PICALM: variants seen among roughly 807,000 people sequenced by gnomAD.
PICALM encodes phosphatidylinositol binding clathrin assembly protein.
PICALM carries 40 observed loss-of-function variants against 80.5 expected under a neutral mutation model. That is an observed-to-expected ratio of 0.50 (90% CI 0.39 to 0.65). PICALM has a LOEUF of 0.65. Ranked by LOEUF, PICALM falls within the 30% of genes least tolerant of loss-of-function variation. PICALM has a pLI of 0.00. For synonymous variants in PICALM, 288 were observed against 260.3 expected (o/e 1.11, Z -1.02); for missense variants, 676 against 778.9 (o/e 0.87, Z 1.57).
chr11:86,056,821 G>C (rs890754176), intron 1 of PICALM, among the ~76,000 whole-genome samples: 1 of 152,154 alleles, frequency 6.6e-6, no homozygotes, highest in African/African-American at 2.4e-5. Flanking sequence ...AACTATACAA[G>C]GGAGTATTAC....
intron 12 of PICALM, among the ~76,000 whole-genome samples, chr11:85,994,546 A>C (rs1409294675): frequency 6.6e-6 from 1 of 152,246 alleles, no homozygotes; most frequent in Non-Finnish European, 1.5e-5. Flanking sequence ...AAAGCCAATA[A>C]AAGAACAGTA....
At chr11:85,971,958 T>C (rs919667046) in intron 19 of PICALM, among the ~76,000 whole-genome samples, 1 of 151,960 alleles carries the variant, frequency 6.6e-6, no homozygotes, top group Non-Finnish European at 1.5e-5. Context: ...ATTTTTTGTA[T>C]TTTTAGTAGA....
chr11:86,049,154 A>G (rs988787153), intron 1 of PICALM, among the ~76,000 whole-genome samples: 2 of 152,024 alleles, frequency 1.3e-5, no homozygotes. Context: ...TTAGTCAGGC[A>G]CGGTGGGTGC....
chr11:86,055,874 G>A (rs1308576732), intron 1 of PICALM, among the ~76,000 whole-genome samples: 5 of 151,976 alleles, frequency 3.3e-5, no homozygotes, highest in African/African-American at 2.4e-5. Flanking sequence ...GATGGCTCAC[G>A]TCTATAATCC....
intron 16 of PICALM, among the ~76,000 whole-genome samples, 190 bp downstream of exon 16, chr11:85,981,555 C>A (rs938704854): frequency 1.9e-4 from 29 of 150,602 alleles, no homozygotes; most frequent in Admixed American, 1.8e-3. Context: ...TGCAGTGGGC[C>A]GAGATTGCGC....
At position 85,996,834 on chromosome 11, in the gene PICALM, G is replaced by A; in HGVS notation, c.1250C>T (p.Thr417Ile). The change falls in exon 12 of 20, where the codon ACA becomes ATA. Residue 417 changes from threonine (T) to isoleucine (I), a missense_variant. Transcript: ENST00000393346. ...AATTCATCAATGCTTACCTCCCCAT[G>A]TACTTGCTACCTGAGAAGCAGTTGA... ...PMSTASQVASTWGDPFSATVD... is the reference protein window; with the variant it reads ...PMSTASQVASIWGDPFSATVD... 1 of 1,585,444 alleles carries A rather than the reference G, an allele frequency of 6.3e-7. No individual in the cohort carries two copies. Among genetic ancestry groups the A allele is most frequent in the Non-Finnish European group, 8.7e-7 (1 of 1,154,560 alleles).
intron 19 of PICALM, among the ~76,000 whole-genome samples, chr11:85,959,656 A>AAAAAC (rs1402591265): frequency 2.7e-5 from 4 of 149,790 alleles, no homozygotes; most frequent in Non-Finnish European, 5.9e-5. Flanking sequence ...AAAAAAAAAA[A>AAAAAC]GCTCATTGGA....
intron 14 of PICALM, among the ~76,000 whole-genome samples, chr11:85,982,623 T>A (rs1327699806): frequency 6.8e-6 from 1 of 146,782 alleles, no homozygotes; most frequent in Non-Finnish European, 1.5e-5. Flanking sequence ...GAGACGGGGT[T>A]TCACCTTGTT....
intron 1 of PICALM, among the ~76,000 whole-genome samples, chr11:86,045,520 A>AAAC (rs1491521581): frequency 6.3e-5 from 4 of 63,564 alleles, no homozygotes; most frequent in African/African-American, 1.1e-4. Context: ...CTTGAAATTC[A>AAAC]AAAAAAAAAA....
In PICALM at chr11:86,014,911, G is replaced by A. The variant is rs956054833; in HGVS notation, c.505C>T (p.Pro169Ser). The A allele has an allele frequency of 6.3e-7, 1 of 1,591,080 alleles. No individual in the cohort carries two copies. The highest frequency in any genetic ancestry group is 8.6e-7 in the Non-Finnish European group (1 of 1,164,860). Residue 169 changes from proline to serine, a missense_variant, in exon 5 of 20, where the codon CCA (proline) becomes TCA (serine). By Grantham distance (74) the Pro-to-Ser change is moderately conservative. This residue lies in a region of PICALM where 285 missense variants were observed against 395.4 expected (regional missense o/e 0.72). Transcript: ENST00000393346. ...GCATCCATCTGATTCTGAATAATTG[G>A]TACAGTTTTTAGGAGTTTTTCTGTG... ...MNTEKLLKTV[P>S]IIQNQMDALL...
At chr11:85,987,482 A>T (rs543306030) in intron 13 of PICALM, among the ~76,000 whole-genome samples, 1 of 152,246 alleles carries the variant, frequency 6.6e-6, no homozygotes, top group Non-Finnish European at 1.5e-5. Context: ...CATTGCTAAT[A>T]TTAGACCAAA....
chr11:86,019,169 C>A (rs888244270), intron 4 of PICALM, among the ~76,000 whole-genome samples: 1 of 152,142 alleles, frequency 6.6e-6, no homozygotes, highest in African/African-American at 2.4e-5. Flanking sequence ...TTACTACTTA[C>A]AATGAGAGTC....
At chr11:86,049,943 T>C (rs945846369) in intron 1 of PICALM, among the ~76,000 whole-genome samples, 2 of 151,966 alleles carry the variant, frequency 1.3e-5, no homozygotes, top group African/African-American at 4.8e-5. Flanking sequence ...CTCACGCCTG[T>C]GATCCCAGCA....
chr11:86,009,292 CAAAAAAAAAAAAAAAA>C lies in PICALM; in HGVS notation c.765+1722_766-1710del, dbSNP rs10557244. On this transcript the variant is annotated intron_variant, in intron 7 of 19. Coordinates refer to ENST00000393346, the MANE Select transcript of PICALM (RefSeq NM_007166.4). ...TGGGTGACACAGCAAGTCTCTGTCT[CAAAAAAAAAAAAAAAA>C]AAAAAAAAAAAAAAAGTCATATATA... 1.9e-4 allele frequency among the ~76,000 whole-genome samples: 8 copies of C among 41,620 alleles called. 1 individual carries two copies. Among genetic ancestry groups the C allele is most frequent in the African/African-American group, 2.1e-4 (2 of 9,518 alleles). 27.3% of individuals were successfully genotyped at this position (41,620 alleles called of 152,430 possible). A position where few individuals can be genotyped will look rare whatever the true frequency, so the allele number is the denominator to read the frequency against.
At chr11:85,976,827 G>A (rs1004102071) in intron 17 of PICALM, 145 bp from the exon 18 acceptor site, 6 of 551,686 alleles carry the variant, frequency 1.1e-5, no homozygotes, top group African/African-American at 1.9e-5. Flanking sequence ...AAGAACTGTC[G>A]ATTAATGGTC....
At chr11:85,984,134 T>G (rs1299454432) in intron 13 of PICALM, among the ~76,000 whole-genome samples, 161 bp from the exon 14 acceptor site, 1 of 152,184 alleles carries the variant, frequency 6.6e-6, no homozygotes, top group Non-Finnish European at 1.5e-5. Flanking sequence ...TTTTTCGCAG[T>G]GATTGCGTTT....
chr11:86,060,487 A>G (rs1296127484), intron 1 of PICALM, among the ~76,000 whole-genome samples: 3 of 152,198 alleles, frequency 2.0e-5, no homozygotes, highest in African/African-American at 7.2e-5. Context: ...TATCACACAC[A>G]CATCACACAG....
chr11:86,032,778 T>A (rs2095780601), intron 1 of PICALM, among the ~76,000 whole-genome samples: 1 of 152,172 alleles, frequency 6.6e-6, no homozygotes, highest in African/African-American at 2.4e-5. Flanking sequence ...TGACATTAAT[T>A]TGTTCACTTT....
In PICALM at chr11:86,052,827, T is replaced by C. The variant is rs145398830; in HGVS notation, c.130+15824A>G. Among the ~76,000 whole-genome samples the C allele has an allele frequency of 1.3e-3, 193 of 152,334 alleles. 1 individual carries two copies. The highest frequency in any genetic ancestry group is 4.3e-3 in the African/African-American group (178 of 41,574). ...GCCTCAGACAATTGCTCCGACTGTA[T>C]TTCTCATTGCACCCAACCTGTCCCT... On this transcript the variant is annotated intron_variant, in intron 1 of 19. Transcript: ENST00000393346.
Sources: allele counts gnomAD v4.1 joint callset (sites outside exome capture counted in the v4.1 genomes callset), GRCh38; gene constraint gnomAD v4.1.1; regional missense constraint gnomAD v4.1.1; transcripts MANE v1.5; gene names NCBI Gene and HGNC (gene_info 2026-07-23, HGNC 2026-07-21).